The following RNGTT variants were observed in gnomAD, a reference collection of about 807,000 sequenced individuals.
RNGTT encodes mRNA-capping enzyme.
A neutral mutation model predicts 79.3 loss-of-function variants in RNGTT; 33 were observed. That is an observed-to-expected ratio of 0.42 (90% CI 0.32 to 0.56). The LOEUF (loss-of-function observed/expected upper bound fraction) is 0.56. Ranked by LOEUF, RNGTT falls within the 20% of genes least tolerant of loss-of-function variation. The probability of loss-of-function intolerance (pLI) is 0.17; values close to 1 mark genes in which losing one functional copy is unlikely to be tolerated. For synonymous variants in RNGTT, 222 were observed against 235.9 expected (o/e 0.94, Z 0.54); for missense variants, 497 against 739.1 (o/e 0.67, Z 3.80).
intron 12 of RNGTT, among the ~76,000 whole-genome samples, chr6:88,785,112 A>C (rs1369749487): frequency 2.0e-5 from 3 of 152,112 alleles, no homozygotes; most frequent in Non-Finnish European, 4.4e-5. Flanking sequence ...ATTAAACATA[A>C]GTTATTAATA....
At chr6:88,799,700 CAAAAAAA>C (rs36033019) in intron 12 of RNGTT, among the ~76,000 whole-genome samples, 2 of 46,256 alleles carry the variant, frequency 4.3e-5, no homozygotes, top group South Asian at 6.7e-4. Context: ...AACTCCATCT[CAAAAAAA>C]AAAAAAAAAA....
intron 4 of RNGTT, among the ~76,000 whole-genome samples, chr6:88,928,148 G>A (rs1186949514): frequency 6.6e-6 from 1 of 152,040 alleles, no homozygotes; most frequent in Non-Finnish European, 1.5e-5. Flanking sequence ...GGAGTTCAAG[G>A]CTGCAGTGAG....
intron 13 of RNGTT, among the ~76,000 whole-genome samples, chr6:88,739,062 A>G (rs905400512): frequency 6.6e-6 from 1 of 152,102 alleles, no homozygotes; most frequent in South Asian, 2.1e-4. Context: ...TAAAGAAGAT[A>G]AAAAAACTTT....
intron 14 of RNGTT, 139 bp from the exon 15 acceptor site, chr6:88,614,534 T>C: frequency 1.3e-6 from 1 of 761,666 alleles, no homozygotes; most frequent in Non-Finnish European, 2.1e-6. Flanking sequence ...ATCTGAAGTA[T>C]CTAATCAAGC....
At chr6:88,679,072 A>T (rs1035951693) in intron 13 of RNGTT, among the ~76,000 whole-genome samples, 2 of 152,112 alleles carry the variant, frequency 1.3e-5, no homozygotes, top group Non-Finnish European at 2.9e-5. Flanking sequence ...CAACGTGAAG[A>T]TAACAAGGAT....
chr6:88,652,101 GATGA>G (rs1190215952), intron 14 of RNGTT, among the ~76,000 whole-genome samples: 1 of 152,120 alleles, frequency 6.6e-6, no homozygotes, highest in Non-Finnish European at 1.5e-5. Context: ...TATTTTAGCA[GATGA>G]ATGATCACTT....
At chr6:88,698,560 G>A (rs748243995) in intron 13 of RNGTT, among the ~76,000 whole-genome samples, 80 of 151,396 alleles carry the variant, frequency 5.3e-4, no homozygotes, top group Middle Eastern at 6.9e-3. Context: ...TTTTTACTTA[G>A]CTGAGTATCT....
chr6:88,666,174 T>G (rs550976441), intron 14 of RNGTT, among the ~76,000 whole-genome samples: 2 of 152,170 alleles, frequency 1.3e-5, no homozygotes, highest in Admixed American at 6.5e-5. Flanking sequence ...CAACAGGCTT[T>G]TCATGAGTTA....
chr6:88,935,429 T>C (rs964546442), intron 2 of RNGTT, among the ~76,000 whole-genome samples: 1 of 152,140 alleles, frequency 6.6e-6, no homozygotes, highest in Non-Finnish European at 1.5e-5. Flanking sequence ...ATGTTAGGAT[T>C]CAGGTGGGGT....
chr6:88,679,326 G>A (rs1201954817), intron 13 of RNGTT, among the ~76,000 whole-genome samples: 1 of 152,190 alleles, frequency 6.6e-6, no homozygotes, highest in African/African-American at 2.4e-5. Flanking sequence ...CTCACTCAAA[G>A]AGTGGGTACA....
intron 11 of RNGTT, 118 bp from the exon 12 acceptor site, chr6:88,801,750 C>A: frequency 1.7e-6 from 1 of 572,924 alleles, no homozygotes. Context: ...AACTGAAATA[C>A]AAAATAAGAG....
intron 1 of RNGTT, among the ~76,000 whole-genome samples, chr6:88,958,079 T>C (rs1474773953): frequency 6.6e-6 from 1 of 152,030 alleles, no homozygotes; most frequent in Non-Finnish European, 1.5e-5. Context: ...AGCCAAACAC[T>C]TACAGCCAAC....
chr6:88,701,002 C>T (rs949884304), intron 13 of RNGTT, among the ~76,000 whole-genome samples: 1 of 151,472 alleles, frequency 6.6e-6, no homozygotes, highest in African/African-American at 2.4e-5. Context: ...TAATGACAAA[C>T]AAGAGTTCAA....
intron 13 of RNGTT, among the ~76,000 whole-genome samples, chr6:88,753,126 T>G (rs1243447267): frequency 6.6e-6 from 1 of 152,170 alleles, no homozygotes; most frequent in Non-Finnish European, 1.5e-5. Context: ...AATTATATAT[T>G]TTTGCAAATT....
At position 88,801,598 on chromosome 6, in the gene RNGTT, T is replaced by C; in HGVS notation, c.1304A>G (p.His435Arg). 1 of 1,611,956 alleles carries C rather than the reference T, an allele frequency of 6.2e-7. No individual in the cohort carries two copies. Among genetic ancestry groups the C allele is most frequent in the East Asian group, 2.2e-5 (1 of 44,658 alleles). Residue 435 changes from histidine to arginine, a missense_variant, in exon 12 of 16, where the codon CAT becomes CGT. Transcript: ENST00000369485. ...LEGNFAKEVS[H>R]EMDGLIFQPT... Reference sequence around the variant, plus strand: ...CTGAAAAATAAGTCCATCCATTTCATGGCTCACTTCTTTGGCAAAATTTCC... The same window carrying C: ...CTGAAAAATAAGTCCATCCATTTCACGGCTCACTTCTTTGGCAAAATTTCC...
intron 15 of RNGTT, among the ~76,000 whole-genome samples, chr6:88,613,481 G>A (rs1772108155): frequency 6.6e-6 from 1 of 152,204 alleles, no homozygotes; most frequent in African/African-American, 2.4e-5. Context: ...GAACATGGAT[G>A]CTAGTTCCAA....
chr6:88,758,787 T>C (rs1048117920), intron 13 of RNGTT, among the ~76,000 whole-genome samples: 1 of 152,232 alleles, frequency 6.6e-6, no homozygotes, highest in African/African-American at 2.4e-5. Context: ...CAGAAAGACA[T>C]TTACAACCAT....
chr6:88,928,940 T>G, intron 4 of RNGTT, 45 bp downstream of exon 4: 1 of 1,429,958 alleles, frequency 7.0e-7, no homozygotes, highest in Non-Finnish European at 9.6e-7. Context: ...GAAACCTAAC[T>G]GCAAAATAAA....
chr6:88,839,056 C>CAA (rs34355123), intron 11 of RNGTT, among the ~76,000 whole-genome samples: 3 of 131,850 alleles, frequency 2.3e-5, no homozygotes, highest in Non-Finnish European at 3.3e-5. Flanking sequence ...TATCTATATG[C>CAA]AAAAAAAAAA....
Sources: allele counts gnomAD v4.1 joint callset (sites outside exome capture counted in the v4.1 genomes callset), GRCh38; gene constraint gnomAD v4.1.1; transcripts MANE v1.5; gene names NCBI Gene and HGNC (gene_info 2026-07-23, HGNC 2026-07-21).